Variants in CACNB2 observed in about 807,000 individuals in gnomAD.
CACNB2 encodes the protein calcium voltage-gated channel auxiliary subunit beta 2.
Under a neutral mutation model 73.3 loss-of-function variants are expected in CACNB2, and 42 were observed. The ratio of observed to expected loss-of-function variants is 0.57; its 90% CI spans 0.45 to 0.74. The LOEUF (loss-of-function observed/expected upper bound fraction) is 0.74, where lower values mean the gene tolerates loss of function less well. CACNB2 is among the 30% of genes least tolerant of loss of function. CACNB2 has a pLI of 0.00. For synonymous variants in CACNB2, 348 were observed against 310.3 expected (o/e 1.12, Z -1.28); for missense variants, 940 against 853.0 (o/e 1.10, Z -1.27).
chr10:18,242,740 T>G (rs2036703900), intron 2 of CACNB2, among the ~76,000 whole-genome samples: 1 of 151,520 alleles, frequency 6.6e-6, no homozygotes, highest in African/African-American at 2.4e-5. Context: ...ATCCCAGCAC[T>G]TTGGGAGGCT....
intron 2 of CACNB2, among the ~76,000 whole-genome samples, chr10:18,306,825 G>C (rs941405890): frequency 1.3e-5 from 2 of 152,114 alleles, no homozygotes; most frequent in Non-Finnish European, 2.9e-5. Context: ...CACTGCAGAG[G>C]GTTAGAGATC....
At chr10:18,535,604 C>G (rs974146569) in intron 11 of CACNB2, among the ~76,000 whole-genome samples, 2 of 151,882 alleles carry the variant, frequency 1.3e-5, no homozygotes, top group East Asian at 1.9e-4. Flanking sequence ...AACCCCGTCT[C>G]TACTAAAAAT....
intron 3 of CACNB2, among the ~76,000 whole-genome samples, chr10:18,453,416 G>T (rs776159066): frequency 6.6e-6 from 1 of 152,094 alleles, no homozygotes; most frequent in South Asian, 2.1e-4. Flanking sequence ...TCCCTCCATC[G>T]CCTCCACAGG....
At chr10:18,247,924 A>G (rs2036931167) in intron 2 of CACNB2, among the ~76,000 whole-genome samples, 1 of 152,138 alleles carries the variant, frequency 6.6e-6, no homozygotes, top group Non-Finnish European at 1.5e-5. Context: ...TGTTTCATAA[A>G]TGGTACCTTC....
chr10:18,311,975 T>G (rs12773631), intron 2 of CACNB2, among the ~76,000 whole-genome samples: 3 of 152,208 alleles, frequency 2.0e-5, no homozygotes, highest in Non-Finnish European at 4.4e-5. Context: ...AGTCCCCTTC[T>G]ATACTTCTGG....
rs540720768 is a variant in CACNB2, at chr10:18,523,734, G to T, written c.945-3854G>T. On this transcript the variant is annotated intron_variant, in intron 9 of 13. Transcript: ENST00000324631. ...TTTGGCAAGGCAAGACAGCAATAGA[G>T]GATGGAAATTCAACAAAAGTATCAG... 5.3e-5 allele frequency among the ~76,000 whole-genome samples: 8 copies of T among 152,312 alleles called. No homozygotes were observed. In the South Asian group the frequency reaches 1.7e-3, roughly 32 times the overall value.
At chr10:18,324,175 G>A (rs2040496587) in intron 2 of CACNB2, among the ~76,000 whole-genome samples, 1 of 152,180 alleles carries the variant, frequency 6.6e-6, no homozygotes, top group Non-Finnish European at 1.5e-5. Context: ...CTGTTCATGA[G>A]GAGCTTCGGC....
At chr10:18,489,793 C>A (rs929925130) in intron 3 of CACNB2, among the ~76,000 whole-genome samples, 4 of 152,308 alleles carry the variant, frequency 2.6e-5, no homozygotes, top group Non-Finnish European at 4.4e-5. Flanking sequence ...CTTAACATCT[C>A]TTATCACTTA....
intron 3 of CACNB2, among the ~76,000 whole-genome samples, chr10:18,444,105 C>T (rs934565487): frequency 2.0e-5 from 3 of 152,116 alleles, no homozygotes; most frequent in South Asian, 4.1e-4. Context: ...TCTAAATGTT[C>T]GTGTCCCCAG....
rs1554791128 is a variant in CACNB2 at position 18,315,357 on chromosome 10, C to CAAAACA, written c.214-86554_214-86549dup. Among the ~76,000 whole-genome samples, 19 of 125,654 alleles carry CAAAACA rather than the reference C, an allele frequency of 1.5e-4. No individual in the cohort carries two copies. The East Asian group carries it at 3.0e-3, about 20-fold the overall frequency. The allele number at this position is 125,654 out of a possible 152,430, so 82.4% of individuals were successfully genotyped here. A position where few individuals can be genotyped will look rare whatever the true frequency, so the allele number is the denominator to read the frequency against. ...AAAAACAAAACAAAACAAAACAAAA[C>CAAAACA]AAAACAAAAACAAAAACAGTGGGCC... is the stretch of plus-strand genomic sequence containing the variant. On this transcript the variant is annotated intron_variant, in intron 2 of 13. Transcript: ENST00000324631.
chr10:18,437,460 A>G (rs2046195335), intron 3 of CACNB2, among the ~76,000 whole-genome samples: 1 of 152,220 alleles, frequency 6.6e-6, no homozygotes, highest in Non-Finnish European at 1.5e-5. Context: ...GTTGGTTAAC[A>G]CATATTTTGT....
chr10:18,536,169 A>G lies in CACNB2; in HGVS notation c.1275A>G (p.Ala425=), dbSNP rs772499995. ...AACACCTCAACGTCCAGATGGTAGC[A>G]GCTGATAAACTGGCTCAGTGTCCTC... The part of the protein sequence containing the change: ...QAKHLNVQMV[A]ADKLAQCPPE... Residue 425 remains alanine, a synonymous_variant, in exon 12 of 14, where the codon GCA becomes GCG. Transcript: ENST00000324631. 1 of 1,606,794 alleles carries G rather than the reference A, an allele frequency of 6.2e-7. No individual in the cohort carries two copies.
At chr10:18,463,755 C>T (rs578043011) in intron 3 of CACNB2, among the ~76,000 whole-genome samples, 1 of 152,182 alleles carries the variant, frequency 6.6e-6, no homozygotes, top group East Asian at 1.9e-4. Flanking sequence ...CCTGCAGCAT[C>T]TAGTCATCCC....
intron 2 of CACNB2, chr10:18,182,191 A>C (rs1477782065): frequency 6.6e-6 from 1 of 152,114 alleles, no homozygotes; most frequent in Non-Finnish European, 1.5e-5. Context: ...GGCCGGGTAC[A>C]GTCGCTCATG....
intron 2 of CACNB2, among the ~76,000 whole-genome samples, chr10:18,336,270 A>G (rs1589073329): frequency 6.6e-6 from 1 of 152,210 alleles, no homozygotes; most frequent in African/African-American, 2.4e-5. Context: ...ACCCTGAGCT[A>G]TGAATTGTTC....
intron 2 of CACNB2, among the ~76,000 whole-genome samples, chr10:18,288,964 T>C (rs141344644): frequency 1.2e-3 from 177 of 152,136 alleles, no homozygotes; most frequent in Non-Finnish European, 2.0e-3. Context: ...AGAATTGCTT[T>C]AACCCAGGAG....
Position 18,357,858 on chromosome 10 carries a change from C to T in CACNB2, c.214-44066C>T, listed in dbSNP as rs142606731. 3.3e-3 allele frequency among the ~76,000 whole-genome samples: 503 copies of T among 152,214 alleles called. 3 individuals carry two copies. The highest frequency in any genetic ancestry group is 6.8e-3 in the Middle Eastern group (2 of 294). On this transcript the variant is annotated intron_variant, in intron 2 of 13. Coordinates refer to ENST00000324631, the MANE Select transcript of CACNB2 (RefSeq NM_201596.3). ...CTCAGTCATTGAAACAACCAAAAAT[C>T]CAGCAGTACCTTTCTGGAACACTCC...
intron 2 of CACNB2, among the ~76,000 whole-genome samples, chr10:18,246,937 G>A (rs1198713815): frequency 6.6e-6 from 1 of 152,090 alleles, no homozygotes; most frequent in East Asian, 1.9e-4. Flanking sequence ...AACCTAGCCC[G>A]AATAAGTAGT....
At chr10:18,262,344 T>C (rs939891536) in intron 2 of CACNB2, among the ~76,000 whole-genome samples, 2 of 152,162 alleles carry the variant, frequency 1.3e-5, no homozygotes, top group African/African-American at 4.8e-5. Context: ...GAGAGATAAC[T>C]ATACTGTCAA....
Sources: gnomAD v4.1 joint callset for allele counts (sites outside exome capture counted in the v4.1 genomes callset) on GRCh38, gnomAD v4.1.1 for gene constraint, MANE v1.5 for transcripts, NCBI Gene and HGNC (gene_info 2026-07-23, HGNC 2026-07-21) for gene names.